Variants in DNAAF9 observed in about 807,000 individuals in gnomAD.
DNAAF9 encodes dynein axonemal assembly factor 9.
A neutral mutation model predicts 167.0 loss-of-function variants in DNAAF9; 90 were observed. That is an observed-to-expected ratio of 0.54 (90% CI 0.45 to 0.64). The LOEUF is 0.64. Among genes scored for constraint, DNAAF9 ranks in the 30% least tolerant of loss-of-function variants. The pLI is 0.00. For synonymous variants in DNAAF9, 491 were observed against 508.8 expected, an observed-to-expected ratio of 0.96 and a Z score of 0.47; for missense variants, 1,315 against 1,442.2, an observed-to-expected ratio of 0.91 and a Z score of 1.43.
intron 29 of DNAAF9, among the ~76,000 whole-genome samples, chr20:3,274,349 G>A (rs2068643275): frequency 6.6e-6 from 1 of 152,094 alleles, no homozygotes; most frequent in African/African-American, 2.4e-5. Flanking sequence ...CACCATGTTG[G>A]CCAGGCTGGT....
chr20:3,316,890 CTTTTTTTTT>C (rs11424663), intron 17 of DNAAF9, 97 bp from the exon 18 acceptor site: 6 of 250,654 alleles, frequency 2.4e-5, no homozygotes, highest in East Asian at 7.1e-5. Flanking sequence ...AGCTAGGGTT[CTTTTTTTTT>C]TTTTTTTTTT....
chr20:3,402,722 C>G (rs1037234592), intron 1 of DNAAF9, among the ~76,000 whole-genome samples: 1 of 152,092 alleles, frequency 6.6e-6, no homozygotes, highest in Admixed American at 6.6e-5. Context: ...GAATCACAGG[C>G]GCATGCCACC....
intron 1 of DNAAF9, among the ~76,000 whole-genome samples, chr20:3,383,132 C>A (rs2083684244): frequency 6.6e-6 from 1 of 152,082 alleles, no homozygotes; most frequent in African/African-American, 2.4e-5. Context: ...CTAAGGACCC[C>A]ATTCTCTCCA....
chr20:3,293,808 G>GT (rs1422272123), intron 25 of DNAAF9, among the ~76,000 whole-genome samples: 1 of 152,086 alleles, frequency 6.6e-6, no homozygotes, highest in Non-Finnish European at 1.5e-5. Context: ...CCACTGCCAG[G>GT]TAAGTTCCTG....
chr20:3,278,496 G>A (rs2281498), intron 29 of DNAAF9, among the ~76,000 whole-genome samples: 31,181 of 151,910 alleles, frequency 0.21, 3,468 homozygotes, highest in African/African-American at 0.28. Context: ...CGAGGTGGGC[G>A]GACTACGAGG....
rs2068257505 is a variant in DNAAF9 at position 3,255,234 on chromosome 20, C to T, written c.3312G>A (p.Glu1104=). The change falls in exon 35 of 37, where the codon GAG becomes GAA. Residue 1104 remains glutamate (E), a synonymous_variant. Coordinates refer to ENST00000252032, the MANE Select transcript of DNAAF9 (RefSeq NM_001009984.3). Reference sequence around the variant, plus strand: ...AGGCACTCACGTGGATGCTCCTGATCTCCTGTTGCGTCAGCATCCCCCTGG... The same window carrying T: ...AGGCACTCACGTGGATGCTCCTGATTTCCTGTTGCGTCAGCATCCCCCTGG... ...LKTRGMLTQQ[E]IRSIHVKRHL... is the part of the protein sequence containing the mutation. 1 of 1,550,484 alleles carries T rather than the reference C, an allele frequency of 6.4e-7. No homozygotes were observed. The highest frequency in any genetic ancestry group is 8.7e-7 in the Non-Finnish European group (1 of 1,146,108).
chr20:3,365,542 C>T (rs1482557646), intron 6 of DNAAF9, among the ~76,000 whole-genome samples: 1 of 152,086 alleles, frequency 6.6e-6, no homozygotes, highest in East Asian at 1.9e-4. Context: ...CAGGGGCATA[C>T]CACCATGCCC....
chr20:3,340,596 G>A lies in DNAAF9; in HGVS notation c.889C>T (p.Arg297Ter), dbSNP rs909092359. The part of the protein sequence containing the change: ...PFVLFGNHST[R>*]ENLNAGNFNF... ...AAGTTGCCAGCATTCAGGTTTTCTC[G>A]TGTGGAGTGATTACCAAAGAGAACA... The change falls in exon 10 of 37, where the codon CGA becomes TGA. Residue 297 changes from arginine to a stop codon, truncating the protein, a stop_gained. Coordinates refer to ENST00000252032, the MANE Select transcript of DNAAF9 (RefSeq NM_001009984.3). LOFTEE classifies it high-confidence loss of function. The A allele has an allele frequency of 5.0e-6, 8 of 1,613,454 alleles. No individual in the cohort carries two copies. The African/African-American group carries it at 5.3e-5, about 11-fold the overall frequency.
chr20:3,260,895 G>A (rs1380139392), intron 31 of DNAAF9, among the ~76,000 whole-genome samples: 1 of 152,130 alleles, frequency 6.6e-6, no homozygotes, highest in Non-Finnish European at 1.5e-5. Context: ...ACTTCCCAAA[G>A]TGCTAGGATT....
At position 3,296,866 on chromosome 20, in the gene DNAAF9, C is replaced by A; in HGVS notation, c.2013G>T (p.Lys671Asn). 1 of 1,602,588 alleles carries A rather than the reference C, an allele frequency of 6.2e-7. No individual in the cohort carries two copies. The highest frequency in any genetic ancestry group is 8.5e-7 in the Non-Finnish European group (1 of 1,169,696). Residue 671 changes from lysine (K) to asparagine (N), a missense_variant, in exon 23 of 37, where the codon AAG (lysine) becomes AAT (asparagine). This residue lies in a region of DNAAF9 where 981 missense variants were observed against 1,012.5 expected (regional missense o/e 0.97). Coordinates refer to ENST00000252032, the MANE Select transcript of DNAAF9 (RefSeq NM_001009984.3). The part of the protein sequence containing the change: ...IQEDGLSVEQ[K>N]RLHSSAQKLF... ...ATACTGAAGCAGCCACTTACAATCT[C>A]TTTTGTTCCACAGATAATCCATCTT...
chr20:3,381,267 TG>T, intron 3 of DNAAF9, 111 bp downstream of exon 3: 1 of 855,764 alleles, frequency 1.2e-6, no homozygotes, highest in Non-Finnish European at 1.7e-6. Flanking sequence ...AAACGTTTAC[TG>T]GGGCTTTGGA....
intron 7 of DNAAF9, among the ~76,000 whole-genome samples, chr20:3,352,417 T>C (rs1410246987): frequency 6.6e-6 from 1 of 152,210 alleles, no homozygotes; most frequent in Non-Finnish European, 1.5e-5. Flanking sequence ...TGGAGATAAA[T>C]ACACTTCTAG....
At chr20:3,343,133 C>G (rs2070120468) in intron 9 of DNAAF9, among the ~76,000 whole-genome samples, 1 of 152,122 alleles carries the variant, frequency 6.6e-6, no homozygotes, top group African/African-American at 2.4e-5. Context: ...ATTAAAAATT[C>G]CTTTCTTTAG....
Position 3,315,686 on chromosome 20 carries a change from C to T in DNAAF9, c.1590+49G>A. 7.1e-7 allele frequency: 1 copy of T among 1,415,416 alleles called. No homozygotes were observed. Among genetic ancestry groups the T allele is most frequent in the Non-Finnish European group, 1.0e-6 (1 of 998,642 alleles). The allele number at this position is 1,415,416 out of a possible 1,614,324, so 87.7% of individuals were successfully genotyped here. ...TTTTAATACCTTTATGAATTGCTTACATTATTTTTTGATATAATGTTCACA... is the reference window on the plus strand; with the variant it reads ...TTTTAATACCTTTATGAATTGCTTATATTATTTTTTGATATAATGTTCACA... On this transcript the variant is annotated intron_variant, in intron 19 of 36. Coordinates refer to ENST00000252032, the MANE Select transcript of DNAAF9 (RefSeq NM_001009984.3). This position sits in a 1 kb window ranked among gnomAD's most constrained non-coding sequence, Gnocchi z 4.1.
intron 6 of DNAAF9, among the ~76,000 whole-genome samples, chr20:3,367,543 A>G (rs1205112539): frequency 3.3e-5 from 5 of 152,148 alleles, no homozygotes; most frequent in Admixed American, 1.3e-4. Flanking sequence ...CTTTCACTTG[A>G]ACCTTTATTG....
chr20:3,400,357 A>G (rs945396225), intron 1 of DNAAF9, among the ~76,000 whole-genome samples: 1 of 151,190 alleles, frequency 6.6e-6, no homozygotes, highest in African/African-American at 2.4e-5. Context: ...ACAAAAGTTT[A>G]CTAAGTAAAC....
At chr20:3,319,818 G>T (rs1381158118) in intron 16 of DNAAF9, among the ~76,000 whole-genome samples, 2 of 152,106 alleles carry the variant, frequency 1.3e-5, no homozygotes, top group African/African-American at 4.8e-5. Context: ...AGACAAGTAG[G>T]CGTCTATATT....
chr20:3,276,771 G>A (rs562763980), intron 29 of DNAAF9, among the ~76,000 whole-genome samples: 2 of 152,202 alleles, frequency 1.3e-5, no homozygotes, highest in Non-Finnish European at 1.5e-5. Flanking sequence ...GGAAAAGAAG[G>A]CTCCAGCATT....
chr20:3,352,868 A>C (rs1266705894), intron 7 of DNAAF9, among the ~76,000 whole-genome samples: 1 of 148,694 alleles, frequency 6.7e-6, no homozygotes, highest in Non-Finnish European at 1.5e-5. Flanking sequence ...ATATATGCAT[A>C]AATATATATT....
Sources: gnomAD v4.1 joint callset for allele counts (sites outside exome capture counted in the v4.1 genomes callset) on GRCh38, gnomAD v4.1.1 for gene constraint, gnomAD v4.1.1 regional missense constraint, Gnocchi (gnomAD v3.1) non-coding constraint, MANE v1.5 for transcripts, NCBI Gene and HGNC (gene_info 2026-07-23, HGNC 2026-07-21) for gene names.